The following NDUFV2 variants were observed in gnomAD, a reference collection of about 807,000 sequenced individuals.
NDUFV2 encodes the protein NADH:ubiquinone oxidoreductase core subunit V2, also known as NADH dehydrogenase [ubiquinone] flavoprotein 2, mitochondrial.
A neutral mutation model predicts 31.6 loss-of-function variants in NDUFV2; 18 were observed. The observed-to-expected ratio is 0.57, with a 90% CI of 0.39 to 0.84. The LOEUF is 0.84. Ranked by LOEUF, NDUFV2 falls within the 40% of genes least tolerant of loss-of-function variation. The probability of loss-of-function intolerance (pLI) is 0.00; values close to 1 mark genes in which losing one functional copy is unlikely to be tolerated. For missense variants in NDUFV2, 314 were observed against 303.6 expected (o/e 1.03, Z -0.26); for synonymous variants, 83 against 99.8 (o/e 0.83, Z 1.01).
At chr18:9,127,653 A>C (rs2078003036) in intron 7 of NDUFV2, among the ~76,000 whole-genome samples, 1 of 151,988 alleles carries the variant, frequency 6.6e-6, no homozygotes. Flanking sequence ...TTGTATTTTT[A>C]GTAGTGACGG....
intron 4 of NDUFV2, among the ~76,000 whole-genome samples, 179 bp downstream of exon 4, chr18:9,119,769 AG>A (rs2077921312): frequency 1.3e-5 from 2 of 151,548 alleles, no homozygotes; most frequent in Admixed American, 1.3e-4. Context: ...TAATGCATAG[AG>A]GTGATTTCTA....
chr18:9,117,871 A>C lies in NDUFV2; in HGVS notation c.88A>C (p.Met30Leu). 1 of 1,599,522 alleles carries C rather than the reference A, an allele frequency of 6.3e-7. No individual in the cohort carries two copies. Among genetic ancestry groups the C allele is most frequent in the Non-Finnish European group, 8.6e-7 (1 of 1,166,958 alleles). The change falls in exon 2 of 8, where the codon ATG becomes CTG. Residue 30 changes from methionine (M) to leucine (L), a missense_variant. Transcript: ENST00000318388. ...RHVRNLHKTV[M>L]QNGAGGALFV... ...TGTAAGGAATTTGCATAAGACAGTT[A>C]TGCAAAATGGAGCTGGAGGAGCTTT... is the stretch of plus-strand genomic sequence containing the variant.
At chr18:9,105,095 G>C (rs546644060) in intron 1 of NDUFV2, 3 of 1,162,338 alleles carry the variant, frequency 2.6e-6, no homozygotes, top group Non-Finnish European at 3.4e-6. Flanking sequence ...TTGTGAGGAT[G>C]TTCTATTACT....
intron 1 of NDUFV2, among the ~76,000 whole-genome samples, chr18:9,109,644 C>CCTTAGA (rs1316622738): frequency 9.2e-5 from 14 of 152,276 alleles, no homozygotes; most frequent in African/African-American, 3.4e-4. Flanking sequence ...AGCACAGGGC[C>CCTTAGA]CTTAGATTGA....
chr18:9,109,331 C>T (rs2077858039), intron 1 of NDUFV2, among the ~76,000 whole-genome samples: 1 of 152,208 alleles, frequency 6.6e-6, no homozygotes, highest in Admixed American at 6.5e-5. Flanking sequence ...AATTGCCTGA[C>T]CTTAGTCTTG....
intron 5 of NDUFV2, among the ~76,000 whole-genome samples, chr18:9,123,750 C>A (rs1358124039): frequency 6.6e-6 from 1 of 152,142 alleles, no homozygotes; most frequent in African/African-American, 2.4e-5. Context: ...CCTTGGCCTC[C>A]CAAGTGCTGG....
At chr18:9,123,527 C>G (rs1265894509) in intron 5 of NDUFV2, among the ~76,000 whole-genome samples, 1 of 151,702 alleles carries the variant, frequency 6.6e-6, no homozygotes, top group African/African-American at 2.4e-5. Context: ...CACTTTGTCA[C>G]CAGGCTGGAA....
intron 1 of NDUFV2, among the ~76,000 whole-genome samples, chr18:9,109,674 C>A (rs2077859942): frequency 6.6e-6 from 1 of 152,166 alleles, no homozygotes; most frequent in Non-Finnish European, 1.5e-5. Context: ...GGCTCAAAAT[C>A]CAGGTCTGTC....
chr18:9,124,070 G>A (rs532117708), intron 5 of NDUFV2, among the ~76,000 whole-genome samples: 1 of 152,052 alleles, frequency 6.6e-6, no homozygotes, highest in Non-Finnish European at 1.5e-5. Context: ...AAATAATACA[G>A]CCTGATGCAC....
chr18:9,110,676 T>G (rs2077865542), intron 1 of NDUFV2, among the ~76,000 whole-genome samples: 1 of 152,086 alleles, frequency 6.6e-6, no homozygotes, highest in Non-Finnish European at 1.5e-5. Context: ...CCTGGCTAAC[T>G]TTTGTATTTT....
chr18:9,122,877 C>T (rs1186558426), intron 5 of NDUFV2, among the ~76,000 whole-genome samples, 196 bp downstream of exon 5: 3 of 152,090 alleles, frequency 2.0e-5, no homozygotes, highest in African/African-American at 4.8e-5. Context: ...AGTGTTAAAG[C>T]TGAGTTTTTA....
chr18:9,126,173 T>G (rs935916787), intron 6 of NDUFV2, among the ~76,000 whole-genome samples: 1 of 152,224 alleles, frequency 6.6e-6, no homozygotes, highest in African/African-American at 2.4e-5. Flanking sequence ...TGGGTTTGTT[T>G]GAGATAGGTA....
At chr18:9,127,901 A>G (rs1256719244) in intron 7 of NDUFV2, among the ~76,000 whole-genome samples, 3 of 152,228 alleles carry the variant, frequency 2.0e-5, no homozygotes, top group Admixed American at 1.3e-4. Context: ...ACATTACACA[A>G]TTAACTGCAC....
At chr18:9,107,464 C>T (rs2077847489) in intron 1 of NDUFV2, among the ~76,000 whole-genome samples, 1 of 152,186 alleles carries the variant, frequency 6.6e-6, no homozygotes, top group Non-Finnish European at 1.5e-5. Context: ...AAATGTCTTT[C>T]ATTACAAAAC....
In NDUFV2 at chr18:9,102,770, C is replaced by T. The variant is rs1457532352; in HGVS notation, c.27C>T (p.Ala9=). Residue 9 remains alanine, a synonymous_variant, in exon 1 of 8, where the codon GCC becomes GCT. Transcript: ENST00000318388. Reference sequence around the variant, plus strand: ...TGTTCTTCTCCGCGGCGCTCCGGGCCCGGGCGGCTGGCCTCACCGCCCACT... The same window carrying T: ...TGTTCTTCTCCGCGGCGCTCCGGGCTCGGGCGGCTGGCCTCACCGCCCACT... MFFSAALR[A]RAAGLTAHWG... is the part of the protein sequence containing the mutation. The T allele has an allele frequency of 1.9e-6, 3 of 1,584,408 alleles. No homozygotes were observed. Among genetic ancestry groups the T allele is most frequent in the South Asian group, 1.1e-5 (1 of 87,050 alleles).
At chr18:9,122,993 A>T (rs770618774) in intron 5 of NDUFV2, among the ~76,000 whole-genome samples, 4 of 152,234 alleles carry the variant, frequency 2.6e-5, no homozygotes, top group Non-Finnish European at 5.9e-5. Flanking sequence ...TTACTATTCT[A>T]TGACAGCATG....
chr18:9,126,318 C>G (rs1481552242), intron 6 of NDUFV2, among the ~76,000 whole-genome samples: 1 of 152,096 alleles, frequency 6.6e-6, no homozygotes, highest in African/African-American at 2.4e-5. Context: ...TGACACTGTT[C>G]TACTTTATAT....
At chr18:9,115,855 T>A (rs2077895397) in intron 1 of NDUFV2, 1 of 149,924 alleles carries the variant, frequency 6.7e-6, no homozygotes, top group South Asian at 2.1e-4. Context: ...CGAAACTCCG[T>A]CTCCAAAAAA....
intron 1 of NDUFV2, among the ~76,000 whole-genome samples, chr18:9,106,182 G>A (rs1330314987): frequency 3.3e-5 from 5 of 152,160 alleles, no homozygotes; most frequent in African/African-American, 9.7e-5. Flanking sequence ...AGAATGTATA[G>A]GGCTCCCTCC....
Sources: allele counts gnomAD v4.1 joint callset (sites outside exome capture counted in the v4.1 genomes callset), GRCh38; gene constraint gnomAD v4.1.1; transcripts MANE v1.5; gene names NCBI Gene and HGNC (gene_info 2026-07-23, HGNC 2026-07-21).